Variants in STBD1 observed in about 807,000 individuals in gnomAD.
STBD1 encodes the protein starch-binding domain-containing protein 1.
A neutral mutation model predicts 10.5 loss-of-function variants in STBD1; 13 were observed. That is an observed-to-expected ratio of 1.24 (90% CI 0.81 to 1.97). The LOEUF is 1.97. STBD1 is among the 30% of genes most tolerant of loss of function. The pLI, the probability that STBD1 is intolerant of heterozygous loss-of-function variation, is 0.00. For synonymous variants in STBD1, 146 were observed against 160.2 expected, an observed-to-expected ratio of 0.91 and a Z score of 0.67; for missense variants, 427 against 435.6, an observed-to-expected ratio of 0.98 and a Z score of 0.17.
In STBD1 at chr4:76,309,895, G is replaced by C. The variant is rs1306325011; in HGVS notation, c.972G>C (p.Val324=). The change falls in exon 2 of 2, where the codon GTG becomes GTC. Residue 324 remains valine, a synonymous_variant. Transcript: ENST00000237642. ...ATACAGTGGTGGAGTGGAAGTTTGT[G>C]TTGGTAGAGAATGGGGGAGTTACCC... ...PADTVVEWKF[V]LVENGGVTRW... 9.3e-6 allele frequency: 15 copies of C among 1,614,196 alleles called. No homozygotes were observed. The South Asian group carries it at 1.5e-4, about 17-fold the overall frequency.
In STBD1 at chr4:76,310,535, T is replaced by C. The variant is rs1055878417; in HGVS notation, c.*535T>C. The C allele has an allele frequency of 1.3e-5, 2 of 155,480 alleles. No individual in the cohort carries two copies. Among genetic ancestry groups the C allele is most frequent in the Non-Finnish European group, 2.9e-5 (2 of 69,948 alleles). The allele number at this position is 155,480 out of a possible 1,614,324, so 9.6% of individuals were successfully genotyped here. A position where few individuals can be genotyped will look rare whatever the true frequency, so the allele number is the denominator to read the frequency against. On this transcript the variant is annotated 3_prime_UTR_variant, in exon 2 of 2. Coordinates refer to ENST00000237642, the MANE Select transcript of STBD1 (RefSeq NM_003943.5). ...AAGTTAACATGATACGAAACTGTGA[T>C]TAGAAAATATCTGGTCTGGATGTGA...
At position 76,310,047 on chromosome 4, in the gene STBD1, G is replaced by C; in HGVS notation, c.*47G>C. The stretch of plus-strand genomic sequence containing the variant: ...GAAGCTGTAGAACAATGTGGAAGAG[G>C]CTGAGGTTGTGGAACACACTGAATA... On this transcript the variant is annotated 3_prime_UTR_variant, in exon 2 of 2. Transcript: ENST00000237642. 1 of 1,561,566 alleles carries C rather than the reference G, an allele frequency of 6.4e-7. No individual in the cohort carries two copies.
In STBD1 at chr4:76,309,614, G is replaced by T. The variant is rs1321487605; in HGVS notation, c.691G>T (p.Gly231Ter). ...GGCTCCAGTGTTAAACCTAAACCAGGGAATGGACAATGGAAGAAGCACTTT... is the reference window on the plus strand; with the variant it reads ...GGCTCCAGTGTTAAACCTAAACCAGTGAATGGACAATGGAAGAAGCACTTT... The part of the protein sequence containing the change: ...LKAPVLNLNQ[G>*]MDNGRSTLVE... Residue 231 changes from glycine to a stop codon, truncating the protein, a stop_gained, in exon 2 of 2, where the codon GGA (glycine) becomes TGA (stop). Transcript: ENST00000237642. LOFTEE classifies it low-confidence loss of function (END_TRUNC). 5.0e-6 allele frequency: 8 copies of T among 1,614,262 alleles called. No individual in the cohort carries two copies. Among genetic ancestry groups the T allele is most frequent in the Non-Finnish European group, 6.8e-6 (8 of 1,180,050 alleles).
rs1366132138 is a variant in STBD1, at chr4:76,309,451, C to T, written c.528C>T (p.Ser176=). The T allele has an allele frequency of 6.2e-6, 10 of 1,614,086 alleles. No homozygotes were observed. The highest frequency in any genetic ancestry group is 8.5e-6 in the Non-Finnish European group (10 of 1,180,040). ...GTTTTGCAGAGAAGTTGCCTTCTAG[C>T]AACCTGCTCAAGAACAGAGCTAAAG... is the stretch of plus-strand genomic sequence containing the variant. The part of the protein sequence containing the change: ...ATCFAEKLPS[S]NLLKNRAKEE... Residue 176 remains serine, a synonymous_variant, in exon 2 of 2, where the codon AGC becomes AGT. Transcript: ENST00000237642.
chr4:76,308,856 G>T (rs77034737), intron 1 of STBD1, among the ~76,000 whole-genome samples: 1 of 152,236 alleles, frequency 6.6e-6, no homozygotes, highest in Non-Finnish European at 1.5e-5. Context: ...GGGACCATGG[G>T]GGGGTTACAC....
chr4:76,308,564 G>A (rs1718847587), intron 1 of STBD1, among the ~76,000 whole-genome samples: 1 of 152,160 alleles, frequency 6.6e-6, no homozygotes, highest in East Asian at 1.9e-4. Flanking sequence ...GATTGGCAAG[G>A]AGAAACCAGC....
chr4:76,309,923 T>C lies in STBD1; in HGVS notation c.1000T>C (p.Trp334Arg), dbSNP rs759325089. The C allele has an allele frequency of 3.7e-6, 6 of 1,614,068 alleles. No homozygotes were observed. Among genetic ancestry groups the C allele is most frequent in the Non-Finnish European group, 5.1e-6 (6 of 1,180,014 alleles). ...VLVENGGVTR[W>R]EECSNRFLET... The stretch of plus-strand genomic sequence containing the variant: ...GGTAGAGAATGGGGGAGTTACCCGC[T>C]GGGAAGAATGCAGCAATAGATTCCT... Residue 334 changes from tryptophan to arginine, a missense_variant, in exon 2 of 2, where the codon TGG (tryptophan) becomes CGG (arginine). By Grantham distance (101) the Trp-to-Arg change is moderately radical (BLOSUM62 -3). Transcript: ENST00000237642.
rs1718904656 is a variant in STBD1, at chr4:76,310,191, T to C, written c.*191T>C. ...GTGCAGAAATATATATGTGTGTATG[T>C]GTGTATATATATGCACACACACACA... On this transcript the variant is annotated 3_prime_UTR_variant, in exon 2 of 2. Transcript: ENST00000237642. 3.1e-6 allele frequency: 2 copies of C among 650,926 alleles called. No individual in the cohort carries two copies. Among genetic ancestry groups the C allele is most frequent in the Non-Finnish European group, 5.2e-6 (2 of 385,968 alleles). The allele number at this position is 650,926 out of a possible 1,614,324, so 40.3% of individuals were successfully genotyped here. A position where few individuals can be genotyped will look rare whatever the true frequency, so the allele number is the denominator to read the frequency against.
intron 1 of STBD1, 54 bp from the exon 2 acceptor site, chr4:76,309,090 T>C: frequency 6.6e-7 from 1 of 1,515,684 alleles, no homozygotes; most frequent in South Asian, 1.4e-5. Flanking sequence ...TCAGCCTGAC[T>C]TTTTTCTTAA....
intron 1 of STBD1, 60 bp from the exon 2 acceptor site, chr4:76,309,084 C>A (rs1054785430): frequency 6.6e-7 from 1 of 1,512,306 alleles, no homozygotes; most frequent in African/African-American, 1.4e-5. Context: ...ATTTTCTCAG[C>A]CTGACTTTTT....
rs778733007 is a variant in STBD1, at chr4:76,309,264, A to G, written c.341A>G (p.His114Arg). The change falls in exon 2 of 2, where the codon CAT becomes CGT. Residue 114 changes from histidine (H) to arginine (R), a missense_variant. His to Arg is a conservative substitution (Grantham distance 29, BLOSUM62 0). Transcript: ENST00000237642. ...SREVCDNSRE[H>R]VPSGQFPDTE... ...GAAGTCTGTGACAATTCAAGAGAAC[A>G]TGTTCCTTCTGGACAGTTTCCAGAC... 2.2e-5 allele frequency: 36 copies of G among 1,614,068 alleles called. No individual in the cohort carries two copies. Among genetic ancestry groups the G allele is most frequent in the Non-Finnish European group, 3.0e-5 (35 of 1,180,036 alleles).
Position 76,310,088 on chromosome 4 carries a change from G to T in STBD1, c.*88G>T. ...ACACTGAATAAAATAAAGGCAGTGT[G>T]ACTCCAAATTCAGCCATCTGAATTG... On this transcript the variant is annotated 3_prime_UTR_variant, in exon 2 of 2. Transcript: ENST00000237642. 3 of 1,491,034 alleles carry T rather than the reference G, an allele frequency of 2.0e-6. No homozygotes were observed. The South Asian group carries it at 4.0e-5, about 20-fold the overall frequency. The allele number at this position is 1,491,034 out of a possible 1,614,324, so 92.4% of individuals were successfully genotyped here. A position where few individuals can be genotyped will look rare whatever the true frequency, so the allele number is the denominator to read the frequency against.
Position 76,310,100 on chromosome 4 carries a change from A to T in STBD1, c.*100A>T. ...ATAAAGGCAGTGTGACTCCAAATTC[A>T]GCCATCTGAATTGTTTAAATTTGCT... On this transcript the variant is annotated 3_prime_UTR_variant, in exon 2 of 2. Transcript: ENST00000237642. 6.8e-7 allele frequency: 1 copy of T among 1,466,400 alleles called. No homozygotes were observed. The highest frequency in any genetic ancestry group is 9.1e-7 in the Non-Finnish European group (1 of 1,099,522). The allele number at this position is 1,466,400 out of a possible 1,614,324, so 90.8% of individuals were successfully genotyped here. A position where few individuals can be genotyped will look rare whatever the true frequency, so the allele number is the denominator to read the frequency against.
rs1471655876 is a variant in STBD1 at position 76,309,330 on chromosome 4, G to T, written c.407G>T (p.Ser136Ile). 6.2e-7 allele frequency: 1 copy of T among 1,613,304 alleles called. No homozygotes were observed. Among genetic ancestry groups the T allele is most frequent in the South Asian group, 1.1e-5 (1 of 90,808 alleles). Residue 136 changes from serine (S) to isoleucine (I), a missense_variant, in exon 2 of 2, where the codon AGT (serine) becomes ATT (isoleucine). Physicochemically the swap from Ser to Ile is moderately radical, Grantham distance 142 (BLOSUM62 -2). Transcript: ENST00000237642. ...ACCTCTGAGACCAGTAACTCTAGGA[G>T]TTACTCTGAAGTTTCAAGAAATGAA... ...PATSETSNSR[S>I]YSEVSRNESL... is the part of the protein sequence containing the mutation.
At chr4:76,307,788 T>C (rs920990050) in intron 1 of STBD1, among the ~76,000 whole-genome samples, 3 of 152,200 alleles carry the variant, frequency 2.0e-5, no homozygotes, top group Non-Finnish European at 4.4e-5. Context: ...GTGCCCTCCC[T>C]TGGCAAGCTG....
rs1718895861 is a variant in STBD1 at position 76,309,908 on chromosome 4, G to A, written c.985G>A (p.Gly329Arg). The change falls in exon 2 of 2, where the codon GGG (glycine) becomes AGG (arginine). Residue 329 changes from glycine (G) to arginine (R), a missense_variant. Coordinates refer to ENST00000237642, the MANE Select transcript of STBD1 (RefSeq NM_003943.5). Reference sequence around the variant, plus strand: ...GTGGAAGTTTGTGTTGGTAGAGAATGGGGGAGTTACCCGCTGGGAAGAATG... The same window carrying A: ...GTGGAAGTTTGTGTTGGTAGAGAATAGGGGAGTTACCCGCTGGGAAGAATG... ...VEWKFVLVEN[G>R]GVTRWEECSN... The A allele has an allele frequency of 6.2e-7, 1 of 1,614,164 alleles. No homozygotes were observed. Among genetic ancestry groups the A allele is most frequent in the East Asian group, 2.2e-5 (1 of 44,880 alleles).
rs748233671 is a variant in STBD1, at chr4:76,309,546, G to A, written c.623G>A (p.Arg208Lys). Residue 208 changes from arginine (R) to lysine (K), a missense_variant, in exon 2 of 2, where the codon AGG (arginine) becomes AAG (lysine). By Grantham distance (26) the Arg-to-Lys change is conservative. Coordinates refer to ENST00000237642, the MANE Select transcript of STBD1 (RefSeq NM_003943.5). ...CACGAGGAGTGGGAAATGGTGCCTAGGCACTCATCTTGGGGGGATGTTGGT... is the reference window on the plus strand; with the variant it reads ...CACGAGGAGTGGGAAATGGTGCCTAAGCACTCATCTTGGGGGGATGTTGGT... Reference protein sequence around the residue: ...VDHEEWEMVPRHSSWGDVGVG... With the variant: ...VDHEEWEMVPKHSSWGDVGVG... 1.5e-5 allele frequency: 24 copies of A among 1,614,118 alleles called. No homozygotes were observed. In the South Asian group the frequency reaches 2.5e-4, roughly 17 times the overall value.
At position 76,306,735 on chromosome 4, in the gene STBD1, T is replaced by C. The variant is rs987603420; in HGVS notation, c.-35T>C. ...TGCGTGACCTGAGCCCCGGTCCCAG[T>C]CCCTGTAGTCTCCTGCGGCCGCGGC... On this transcript the variant is annotated 5_prime_UTR_variant, in exon 1 of 2. Transcript: ENST00000237642. 6.3e-7 allele frequency: 1 copy of C among 1,590,906 alleles called. No homozygotes were observed. Among genetic ancestry groups the C allele is most frequent in the Non-Finnish European group, 8.5e-7 (1 of 1,170,474 alleles).
rs762828359 is a variant in STBD1 at position 76,307,860 on chromosome 4, G to A, written c.220+871G>A. Among the ~76,000 whole-genome samples the A allele has an allele frequency of 1.1e-3, 164 of 152,192 alleles. 1 individual carries two copies. The highest frequency in any genetic ancestry group is 1.9e-3 in the Non-Finnish European group (126 of 68,030). ...ATCTGTGAACTTTATTTTTAGCCCAGTGGTGTTCATGTGCAGCCATATGAA... is the reference window on the plus strand; with the variant it reads ...ATCTGTGAACTTTATTTTTAGCCCAATGGTGTTCATGTGCAGCCATATGAA... On this transcript the variant is annotated intron_variant, in intron 1 of 1. Transcript: ENST00000237642.
Sources: gnomAD v4.1 joint callset for allele counts (sites outside exome capture counted in the v4.1 genomes callset) on GRCh38, gnomAD v4.1.1 for gene constraint, MANE v1.5 for transcripts, NCBI Gene and HGNC (gene_info 2026-07-23, HGNC 2026-07-21) for gene names.